The following MMP16 variants were observed in gnomAD, a reference collection of about 807,000 sequenced individuals.
The protein encoded by MMP16 is matrix metallopeptidase 16.
A neutral mutation model predicts 67.8 loss-of-function variants in MMP16; 12 were observed. That is an observed-to-expected ratio of 0.18 (90% CI 0.11 to 0.29). The LOEUF (loss-of-function observed/expected upper bound fraction) is 0.29. MMP16 is among the 10% of genes least tolerant of loss of function. The pLI is 1.00. For synonymous variants in MMP16, 249 were observed against 255.9 expected, an observed-to-expected ratio of 0.97 and a Z score of 0.26; for missense variants, 475 against 765.7, an observed-to-expected ratio of 0.62 and a Z score of 4.48.
intron 1 of MMP16, among the ~76,000 whole-genome samples, chr8:88,273,910 C>T (rs1563580619): frequency 1.3e-5 from 2 of 152,112 alleles, no homozygotes; most frequent in Non-Finnish European, 2.9e-5. Flanking sequence ...GGGGACACCA[C>T]AAAACAGCAA....
At chr8:88,112,676 T>TGTGTGTGTGTGTGTG (rs1809358187) in intron 6 of MMP16, among the ~76,000 whole-genome samples, 3 of 127,420 alleles carry the variant, frequency 2.4e-5, no homozygotes. Flanking sequence ...GGTGTGTGTG[T>TGTGTGTGTGTGTGTG]GTGTGTGTCT....
chr8:88,314,552 G>A (rs73692224), intron 1 of MMP16, among the ~76,000 whole-genome samples: 20,419 of 152,098 alleles, frequency 0.13, 1,845 homozygotes, highest in African/African-American at 0.23. Flanking sequence ...CCTTTTAAGT[G>A]TTGTTAAGCT....
chr8:88,279,927 AAAGAC>A (rs1231667067), intron 1 of MMP16, among the ~76,000 whole-genome samples: 1 of 152,164 alleles, frequency 6.6e-6, no homozygotes, highest in African/African-American at 2.4e-5. Flanking sequence ...AAAGAGAAAG[AAAGAC>A]ATGTCCAGGA....
In MMP16 at chr8:88,101,260, A is replaced by G. The variant is rs536998420; in HGVS notation, c.1083+15247T>C. Among the ~76,000 whole-genome samples, 3 of 152,020 alleles carry G rather than the reference A, an allele frequency of 2.0e-5. No individual in the cohort carries two copies. The East Asian group carries it at 5.9e-4, about 30-fold the overall frequency. On this transcript the variant is annotated intron_variant, in intron 6 of 9. Coordinates refer to ENST00000286614, the MANE Select transcript of MMP16 (RefSeq NM_005941.5). ...CATAAGGTAGTATATTTTCTTAAAC[A>G]CCACAGGTCCTCAATACAGATTCAT...
At chr8:88,289,645 G>C (rs753674587) in intron 1 of MMP16, among the ~76,000 whole-genome samples, 1 of 150,934 alleles carries the variant, frequency 6.6e-6, no homozygotes, top group African/African-American at 2.4e-5. Flanking sequence ...TACAGTTGCC[G>C]TGTACTCTGA....
intron 6 of MMP16, among the ~76,000 whole-genome samples, chr8:88,105,989 T>C (rs1201909956): frequency 6.7e-6 from 1 of 149,320 alleles, no homozygotes; most frequent in East Asian, 2.0e-4. Flanking sequence ...TCTATTTGTA[T>C]ATATGCAAAT....
At chr8:88,322,011 T>C (rs1345147106) in intron 1 of MMP16, among the ~76,000 whole-genome samples, 1 of 152,184 alleles carries the variant, frequency 6.6e-6, no homozygotes, top group Non-Finnish European at 1.5e-5. Context: ...TTAATTTCTT[T>C]TTCAGTCAAT....
chr8:88,311,470 G>A (rs1811293492), intron 1 of MMP16, among the ~76,000 whole-genome samples: 1 of 152,146 alleles, frequency 6.6e-6, no homozygotes, highest in South Asian at 2.1e-4. Context: ...AAGGAGATAG[G>A]AGATATGAGA....
At chr8:88,091,261 A>G (rs1808930704) in intron 6 of MMP16, among the ~76,000 whole-genome samples, 1 of 151,854 alleles carries the variant, frequency 6.6e-6, no homozygotes, top group African/African-American at 2.4e-5. Flanking sequence ...TATAAGACCA[A>G]TAATACCTAT....
At chr8:88,262,244 A>G (rs1186029607) in intron 1 of MMP16, among the ~76,000 whole-genome samples, 1 of 152,236 alleles carries the variant, frequency 6.6e-6, no homozygotes, top group Non-Finnish European at 1.5e-5. Flanking sequence ...AGGAAATTTT[A>G]TCAAACGTGG....
chr8:88,295,634 G>GAT (rs35658051), intron 1 of MMP16, among the ~76,000 whole-genome samples: 152,161 of 152,194 alleles, frequency 1, 76,064 homozygotes, highest in Middle Eastern at 1. Flanking sequence ...ATTAAAGAAA[G>GAT]ATTTTCAAGT....
Position 88,167,941 on chromosome 8 carries a change from G to T in MMP16, c.437C>A (p.Pro146His). The T allele has an allele frequency of 6.2e-7, 1 of 1,612,918 alleles. No homozygotes were observed. Among genetic ancestry groups the T allele is most frequent in the Non-Finnish European group, 8.5e-7 (1 of 1,179,378 alleles). Reference protein sequence around the residue: ...IKNVTPKVGDPETRKAIRRAF... With the variant: ...IKNVTPKVGDHETRKAIRRAF... The stretch of plus-strand genomic sequence containing the variant: ...ACGGCGAATAGCTTTACGAGTCTCA[G>T]GGTCTCCTACTTTTGGAGTTACGTT... The change falls in exon 4 of 10, where the codon CCT becomes CAT. Residue 146 changes from proline (P) to histidine (H), a missense_variant. Physicochemically the swap from Pro to His is moderately conservative, Grantham distance 77 (BLOSUM62 -2). This residue lies in a region of MMP16 where 170 missense variants were observed against 239.6 expected (regional missense o/e 0.71). Transcript: ENST00000286614.
chr8:88,063,122 A>G (rs1348019267), intron 7 of MMP16, among the ~76,000 whole-genome samples: 2 of 152,158 alleles, frequency 1.3e-5, no homozygotes, highest in Non-Finnish European at 2.9e-5. Context: ...AAAAGGTTTT[A>G]TAAATAGAAT....
At chr8:88,091,955 C>T (rs939554074) in intron 6 of MMP16, among the ~76,000 whole-genome samples, 2 of 151,856 alleles carry the variant, frequency 1.3e-5, no homozygotes, top group Non-Finnish European at 2.9e-5. Context: ...TAGAAAATAA[C>T]ATTTTAGCAT....
At chr8:88,120,751 G>A (rs2118442002) in intron 4 of MMP16, among the ~76,000 whole-genome samples, 1 of 152,028 alleles carries the variant, frequency 6.6e-6, no homozygotes, top group Admixed American at 6.6e-5. Flanking sequence ...AATAGCTTCA[G>A]AAACTCCTGG....
At position 88,289,780 on chromosome 8, in the gene MMP16, C is replaced by G. The variant is rs575314173; in HGVS notation, c.132+37295G>C. ...CCAAAACAACACAGACTGGTAGATTCCATTTTCCTCTTTTTTAAAAAAAAA... is the reference window on the plus strand; with the variant it reads ...CCAAAACAACACAGACTGGTAGATTGCATTTTCCTCTTTTTTAAAAAAAAA... On this transcript the variant is annotated intron_variant, in intron 1 of 9. Transcript: ENST00000286614. 2.2e-4 allele frequency among the ~76,000 whole-genome samples: 34 copies of G among 151,488 alleles called. 1 individual carries two copies. The South Asian group carries it at 6.1e-3, about 27-fold the overall frequency.
chr8:88,219,683 C>G (rs1186364239), intron 1 of MMP16, among the ~76,000 whole-genome samples: 1 of 152,052 alleles, frequency 6.6e-6, no homozygotes, highest in African/African-American at 2.4e-5. Context: ...TCAAACTATG[C>G]AAGAGTTATT....
chr8:88,087,721 A>G (rs1808857755), intron 6 of MMP16, among the ~76,000 whole-genome samples: 1 of 151,660 alleles, frequency 6.6e-6, no homozygotes, highest in African/African-American at 2.4e-5. Context: ...AGGCAGGAGA[A>G]TCACTTGAGC....
At chr8:88,207,213 G>A (rs867088205) in intron 1 of MMP16, among the ~76,000 whole-genome samples, 6 of 151,926 alleles carry the variant, frequency 3.9e-5, no homozygotes, top group Middle Eastern at 3.2e-3. Context: ...GACTATATAC[G>A]GTGTTATTCC....
Sources: allele counts gnomAD v4.1 joint callset (sites outside exome capture counted in the v4.1 genomes callset), GRCh38; gene constraint gnomAD v4.1.1; regional missense constraint gnomAD v4.1.1; transcripts MANE v1.5; gene names NCBI Gene and HGNC (gene_info 2026-07-23, HGNC 2026-07-21).